The following MYH1 variants were observed in gnomAD, a reference collection of about 807,000 sequenced individuals.
The protein encoded by MYH1 is myosin heavy chain 1, also known as myosin-1.
MYH1 carries 214 observed loss-of-function variants against 225.6 expected under a neutral mutation model. That is an observed-to-expected ratio of 0.95 (90% confidence interval 0.85 to 1.06). The LOEUF is 1.06. Among genes scored for constraint, MYH1 ranks in the 50% least tolerant of loss-of-function variants. MYH1 has a pLI of 0.00. For missense variants in MYH1, 2,098 were observed against 2,344.2 expected (o/e 0.89, Z 2.17); for synonymous variants, 774 against 842.3 (o/e 0.92, Z 1.40).
chr17:10,492,688 A>T, intron 39 of MYH1, 120 bp from the exon 40 acceptor site: 1 of 1,120,334 alleles, frequency 8.9e-7, no homozygotes, highest in Non-Finnish European at 1.2e-6. Flanking sequence ...ATTTTAAGAA[A>T]CCTAGAGAAA....
rs964983369 is a variant in MYH1 at position 10,501,896 on chromosome 17, C to G, written c.3127G>C (p.Glu1043Gln). 1 of 1,605,604 alleles carries G rather than the reference C, an allele frequency of 6.2e-7. No homozygotes were observed. Among genetic ancestry groups the G allele is most frequent in the Non-Finnish European group, 8.5e-7 (1 of 1,178,020 alleles). Residue 1043 changes from glutamate (E) to glutamine (Q), a missense_variant, in exon 25 of 40, where the codon GAA (glutamate) becomes CAA (glutamine). Glu to Gln is a conservative substitution (Grantham distance 29). Transcript: ENST00000226207. ...TCCATCCGGATTTTCTTTTCTTGTT[C>G]CAAAGATCCTTCAAGCTAAAAGTTA... ...QQVDDLEGSLEQEKKIRMDLE... is the reference protein window; with the variant it reads ...QQVDDLEGSLQQEKKIRMDLE...
chr17:10,514,810 T>C lies in MYH1; in HGVS notation c.533+58A>G, dbSNP rs374697605. On this transcript the variant is annotated intron_variant, in intron 6 of 39. Coordinates refer to ENST00000226207, the MANE Select transcript of MYH1 (RefSeq NM_005963.4). ...AACATTAACTAATTTCTTTTTTTGG[T>C]TTGTCATTTTTCCAGTAAGAACAAA... 96 of 1,518,014 alleles carry C rather than the reference T, an allele frequency of 6.3e-5. No homozygotes were observed. In the African/African-American group the frequency reaches 1.1e-3, roughly 18 times the overall value. The allele number at this position is 1,518,014 out of a possible 1,614,324, so 94.0% of individuals were successfully genotyped here. A position where few individuals can be genotyped will look rare whatever the true frequency, so the allele number is the denominator to read the frequency against.
intron 17 of MYH1, 108 bp downstream of exon 17, chr17:10,507,778 T>C (rs2073127712): frequency 1.1e-6 from 1 of 907,148 alleles, no homozygotes; most frequent in Non-Finnish European, 1.8e-6. Flanking sequence ...AACTATCTCG[T>C]TGAGTCACAT....
chr17:10,500,525 A>G (rs1438952316), intron 28 of MYH1, 101 bp downstream of exon 28: 1 of 1,543,376 alleles, frequency 6.5e-7, no homozygotes. Context: ...TCTCCCAGGG[A>G]GGTAGTATAT....
At chr17:10,498,562 G>T in intron 30 of MYH1, 64 bp downstream of exon 30, 6 of 1,604,350 alleles carry the variant, frequency 3.7e-6, no homozygotes, top group Admixed American at 3.4e-5. Flanking sequence ...TTTTTCCCTA[G>T]TTTTTCATAT....
intron 5 of MYH1, 114 bp from the exon 6 acceptor site, chr17:10,515,009 T>A: frequency 2.2e-6 from 2 of 909,942 alleles, no homozygotes. Context: ...GGTTTTTCAA[T>A]ATATTATGGT....
chr17:10,509,403 C>T, intron 15 of MYH1, 82 bp downstream of exon 15: 2 of 1,589,982 alleles, frequency 1.3e-6, no homozygotes, highest in East Asian at 2.2e-5. Flanking sequence ...AATATTTAGC[C>T]ATTGCCTATA....
rs752011839 is a variant in MYH1, at chr17:10,505,422, A to T, written c.2264T>A (p.Ile755Asn). The T allele has an allele frequency of 1.2e-6, 2 of 1,614,236 alleles. No individual in the cohort carries two copies. Among genetic ancestry groups the T allele is most frequent in the South Asian group, 2.2e-5 (2 of 91,080 alleles). Residue 755 changes from isoleucine (I) to asparagine (N), a missense_variant, in exon 20 of 40, where the codon ATT becomes AAT. By Grantham distance (149) the Ile-to-Asn change is moderately radical (BLOSUM62 -3). Coordinates refer to ENST00000226207, the MANE Select transcript of MYH1 (RefSeq NM_005963.4). ...ASEKLLGSID[I>N]DHTQYKFGHT... ...ACCAAATTTATACTGGGTGTGGTCA[A>T]TGTCAATGGACCCCAGGAGCTTCTC...
intron 2 of MYH1, among the ~76,000 whole-genome samples, chr17:10,517,714 G>A (rs1597445167): frequency 6.7e-6 from 1 of 148,706 alleles, no homozygotes; most frequent in Non-Finnish European, 1.5e-5. Flanking sequence ...ATATACATAT[G>A]TGTGTGTGTG....
intron 27 of MYH1, among the ~76,000 whole-genome samples, 158 bp downstream of exon 27, chr17:10,500,952 T>G (rs1269351296): frequency 6.6e-6 from 1 of 152,024 alleles, no homozygotes; most frequent in Non-Finnish European, 1.5e-5. Flanking sequence ...AGCCACTGAA[T>G]TACTTGTTAA....
At position 10,514,889 on chromosome 17, in the gene MYH1, T is replaced by G. The variant is rs778727805; in HGVS notation, c.512A>C (p.Glu171Ala). 1 of 1,612,692 alleles carries G rather than the reference T, an allele frequency of 6.2e-7. No individual in the cohort carries two copies. Among genetic ancestry groups the G allele is most frequent in the Admixed American group, 1.7e-5 (1 of 59,850 alleles). Residue 171 changes from glutamate (E) to alanine (A), a missense_variant, in exon 6 of 40, where the codon GAG becomes GCG. Glu to Ala is a moderately radical substitution (Grantham distance 107, BLOSUM62 -1). Transcript: ENST00000226207. The stretch of plus-strand genomic sequence containing the variant: ...ATACGTGATCAAGATAGACTGATTC[T>G]CCCGATCTAGAAGAAAAACAGTGGA... ...NAYQFMLTDR[E>A]NQSILITGES... is the part of the protein sequence containing the mutation.
rs541610140 is a variant in MYH1 at position 10,508,012 on chromosome 17, T to G, written c.1898-56A>C. On this transcript the variant is annotated intron_variant, in intron 16 of 39. Coordinates refer to ENST00000226207, the MANE Select transcript of MYH1 (RefSeq NM_005963.4). ...AGCCTTTCTCTGGTTATGGTTTTTTTTTTTTGTTTTTTTTTGTTTTTTTTG... is the reference window on the plus strand; with the variant it reads ...AGCCTTTCTCTGGTTATGGTTTTTTGTTTTTGTTTTTTTTTGTTTTTTTTG... 1.9e-4 allele frequency: 245 copies of G among 1,316,278 alleles called. 2 individuals are homozygous for G. Among genetic ancestry groups the G allele is most frequent in the Admixed American group, 3.2e-4 (14 of 43,166 alleles). 81.5% of individuals were successfully genotyped at this position (1,316,278 alleles called of 1,614,324 possible).
chr17:10,492,943 C>G (rs936144580), intron 39 of MYH1, among the ~76,000 whole-genome samples: 1 of 151,878 alleles, frequency 6.6e-6, no homozygotes, highest in Non-Finnish European at 1.5e-5. Context: ...CAAACCAAAC[C>G]ATTAAGCTTG....
In MYH1 at chr17:10,512,000, A is replaced by C. The variant is rs1214926335; in HGVS notation, c.1267-12T>G. 10 of 1,613,942 alleles carry C rather than the reference A, an allele frequency of 6.2e-6. No individual in the cohort carries two copies. Among genetic ancestry groups the C allele is most frequent in the Non-Finnish European group, 6.8e-6 (8 of 1,180,018 alleles). On this transcript the variant is annotated splice_polypyrimidine_tract_variant and intron_variant, in intron 13 of 39. Coordinates refer to ENST00000226207, the MANE Select transcript of MYH1 (RefSeq NM_005963.4). Reference sequence around the variant, plus strand: ...ACTGCATTGTACACCTTCACAGATAAAGTTTGTTGGTGTTATTAAAGACAT... The same window carrying C: ...ACTGCATTGTACACCTTCACAGATACAGTTTGTTGGTGTTATTAAAGACAT...
At position 10,495,984 on chromosome 17, in the gene MYH1, T is replaced by C. The variant is rs754251100; in HGVS notation, c.5135A>G (p.Asp1712Gly). 3.7e-6 allele frequency: 6 copies of C among 1,614,134 alleles called. No homozygotes were observed. Among genetic ancestry groups the C allele is most frequent in the Admixed American group, 3.3e-5 (2 of 60,022 alleles). ...SRKIAEQELL[D>G]ASERVQLLHT... ...CAGGAGCTGAACACGCTCACTGGCA[T>C]CCAGGAGCTCCTGTTCTGCGATTTT... The change falls in exon 35 of 40, where the codon GAT (aspartate) becomes GGT (glycine). Residue 1712 changes from aspartate (D) to glycine (G), a missense_variant. Coordinates refer to ENST00000226207, the MANE Select transcript of MYH1 (RefSeq NM_005963.4).
In MYH1 at chr17:10,500,848, T is replaced by C. The variant is rs2073046679; in HGVS notation, c.3739-96A>G. 4 of 1,536,530 alleles carry C rather than the reference T, an allele frequency of 2.6e-6. No homozygotes were observed. In the East Asian group the frequency reaches 9.0e-5, roughly 35 times the overall value. On this transcript the variant is annotated intron_variant, in intron 27 of 39. Coordinates refer to ENST00000226207, the MANE Select transcript of MYH1 (RefSeq NM_005963.4). The stretch of plus-strand genomic sequence containing the variant: ...CATTCCATATGAGCTGCAGTACTCA[T>C]TTATTTTGAGAAGAAACTATCTTTA...
intron 16 of MYH1, among the ~76,000 whole-genome samples, 172 bp downstream of exon 16, chr17:10,508,191 G>C (rs1243560668): frequency 6.6e-6 from 1 of 151,626 alleles, no homozygotes; most frequent in Non-Finnish European, 1.5e-5. Context: ...GCTAATTTTT[G>C]CATTTTTAGT....
At position 10,505,064 on chromosome 17, in the gene MYH1, C is replaced by G. The variant is rs200251900; in HGVS notation, c.2437G>C (p.Glu813Gln). 616 of 1,614,124 alleles carry G rather than the reference C, an allele frequency of 3.8e-4. No homozygotes were observed. Among genetic ancestry groups the G allele is most frequent in the Non-Finnish European group, 4.6e-4 (544 of 1,180,010 alleles). ...VEYQKMVERR[E>Q]SIFCIQYNVR... ...TTGTACTGGATGCAGAAGATGGACT[C>G]TCTGTCATAGGAACAGAAATGTCCA... Residue 813 changes from glutamate (E) to glutamine (Q), a missense_variant and splice_region_variant, in exon 22 of 40, where the codon GAG becomes CAG. Physicochemically the swap from Glu to Gln is conservative, Grantham distance 29. Coordinates refer to ENST00000226207, the MANE Select transcript of MYH1 (RefSeq NM_005963.4).
rs779248683 is a variant in MYH1 at position 10,501,451 on chromosome 17, G to C, written c.3397C>G (p.Arg1133Gly). 1.2e-6 allele frequency: 2 copies of C among 1,614,214 alleles called. No individual in the cohort carries two copies. The highest frequency in any genetic ancestry group is 1.7e-6 in the Non-Finnish European group (2 of 1,180,038). Residue 1133 changes from arginine to glycine, a missense_variant, in exon 27 of 40, where the codon CGG (arginine) becomes GGG (glycine). By Grantham distance (125) the Arg-to-Gly change is moderately radical. Coordinates refer to ENST00000226207, the MANE Select transcript of MYH1 (RefSeq NM_005963.4). ...GAGCGCTGCTTCTCTGCTTTGGCCC[G>C]GGAGGCCCGCTCTGCCTCGATTTCC... Reference protein sequence around the residue: ...EEEIEAERASRAKAEKQRSDL... With the variant: ...EEEIEAERASGAKAEKQRSDL...
Sources: gnomAD v4.1 joint callset for allele counts (sites outside exome capture counted in the v4.1 genomes callset) on GRCh38, gnomAD v4.1.1 for gene constraint, MANE v1.5 for transcripts, NCBI Gene and HGNC (gene_info 2026-07-23, HGNC 2026-07-21) for gene names.